PRIMPOL: variants seen among roughly 807,000 people sequenced by gnomAD.
The protein encoded by PRIMPOL is DNA-directed primase/polymerase protein.
Under a neutral mutation model 63.6 loss-of-function variants are expected in PRIMPOL, and 54 were observed. The observed-to-expected ratio is 0.85, with a 90% confidence interval of 0.68 to 1.07. The LOEUF (loss-of-function observed/expected upper bound fraction) is 1.07. PRIMPOL is among the 50% of genes least tolerant of loss of function. The pLI is 0.00. For synonymous variants in PRIMPOL, 197 were observed against 220.2 expected, an observed-to-expected ratio of 0.89 and a Z score of 0.93; for missense variants, 610 against 648.3, an observed-to-expected ratio of 0.94 and a Z score of 0.64.
intron 11 of PRIMPOL, among the ~76,000 whole-genome samples, 159 bp downstream of exon 11, chr4:184,685,843 C>G (rs1756849846): frequency 6.6e-6 from 1 of 151,984 alleles, no homozygotes; most frequent in African/African-American, 2.4e-5. Context: ...GCTCTGTCGC[C>G]CAGGCTGGAG....
chr4:184,669,356 G>A (rs963324590), intron 6 of PRIMPOL, among the ~76,000 whole-genome samples: 5 of 152,208 alleles, frequency 3.3e-5, no homozygotes, highest in African/African-American at 1.2e-4. Flanking sequence ...TCCAGCCCCC[G>A]TGCTCGCTGC....
chr4:184,683,826 G>A (rs77468169), intron 9 of PRIMPOL, among the ~76,000 whole-genome samples: 4,393 of 152,050 alleles, frequency 0.029, 217 homozygotes, highest in African/African-American at 0.1. Context: ...CAATCTAAAT[G>A]TACAACAAAA....
intron 2 of PRIMPOL, among the ~76,000 whole-genome samples, chr4:184,655,672 T>C (rs1363131743): frequency 6.6e-6 from 1 of 152,192 alleles, no homozygotes; most frequent in Non-Finnish European, 1.5e-5. Flanking sequence ...GAAATACTCA[T>C]TTGCCAATGA....
intron 5 of PRIMPOL, 60 bp from the exon 6 acceptor site, chr4:184,665,857 C>G: frequency 8.6e-7 from 1 of 1,166,798 alleles, no homozygotes; most frequent in Non-Finnish European, 1.2e-6. Context: ...ATGCTTATTG[C>G]TTATAGAAAA....
chr4:184,685,153 C>G (rs1011014904), intron 9 of PRIMPOL, among the ~76,000 whole-genome samples: 2 of 152,134 alleles, frequency 1.3e-5, no homozygotes, highest in Non-Finnish European at 2.9e-5. Flanking sequence ...CTGCCTTTCT[C>G]TTTGCCAAAA....
chr4:184,691,707 A>G lies in PRIMPOL; in HGVS notation c.1420A>G (p.Lys474Glu). The G allele has an allele frequency of 6.2e-7, 1 of 1,611,346 alleles. No individual in the cohort carries two copies. Among genetic ancestry groups the G allele is most frequent in the Non-Finnish European group, 8.5e-7 (1 of 1,177,892 alleles). Reference sequence around the variant, plus strand: ...TGAAGTATGTCTCCTGTTTCTTTTCAAAGAGGTAAGTACAGATTTTAGTGT... The same window carrying G: ...TGAAGTATGTCTCCTGTTTCTTTTCGAAGAGGTAAGTACAGATTTTAGTGT... ...PAEVCLLFLF[K>E]EEEEFTTDEA... The change falls in exon 13 of 14, where the codon AAA (lysine) becomes GAA (glutamate). Residue 474 changes from lysine to glutamate, a missense_variant. Physicochemically the swap from Lys to Glu is moderately conservative, Grantham distance 56. Transcript: ENST00000314970.
chr4:184,672,457 C>A lies in PRIMPOL; in HGVS notation c.841C>A (p.Leu281Ile), dbSNP rs1752048671. The change falls in exon 7 of 14, where the codon CTC becomes ATC. Residue 281 changes from leucine to isoleucine, a missense_variant. Coordinates refer to ENST00000314970, the MANE Select transcript of PRIMPOL (RefSeq NM_152683.4). ...NMGEKHLFVD[L>I]GVYTRNRNFR... ...GGGAGAGAAGCATCTTTTTGTAGATCTCGGTAAGTAAGATTGACAGCTTTC... is the reference window on the plus strand; with the variant it reads ...GGGAGAGAAGCATCTTTTTGTAGATATCGGTAAGTAAGATTGACAGCTTTC... The A allele has an allele frequency of 6.2e-7, 1 of 1,601,972 alleles. No individual in the cohort carries two copies. The highest frequency in any genetic ancestry group is 1.3e-5 in the African/African-American group (1 of 74,286).
intron 7 of PRIMPOL, among the ~76,000 whole-genome samples, chr4:184,676,384 CTTT>C (rs35327571): frequency 5.7e-4 from 20 of 34,876 alleles, no homozygotes; most frequent in African/African-American, 2.1e-3. Context: ...CCTTCCCTTC[CTTT>C]CCCTTCCCTT....
intron 1 of PRIMPOL, among the ~76,000 whole-genome samples, 200 bp from the exon 2 acceptor site, chr4:184,651,823 A>G (rs1029054555): frequency 3.9e-5 from 6 of 152,052 alleles, no homozygotes; most frequent in African/African-American, 1.4e-4. Flanking sequence ...TAATTTTTGT[A>G]TTTTTAGTAG....
chr4:184,658,886 C>G (rs1198485774), intron 3 of PRIMPOL, among the ~76,000 whole-genome samples: 1 of 140,594 alleles, frequency 7.1e-6, no homozygotes, highest in East Asian at 2.1e-4. Context: ...CCGGCCTGGG[C>G]AACAGAGCAA....
At chr4:184,665,538 C>G (rs1749633833) in intron 5 of PRIMPOL, among the ~76,000 whole-genome samples, 1 of 145,956 alleles carries the variant, frequency 6.9e-6, no homozygotes, top group African/African-American at 2.6e-5. Context: ...GAGTCTCACA[C>G]TGTCACCCAG....
At chr4:184,673,097 A>G (rs1045389411) in intron 7 of PRIMPOL, among the ~76,000 whole-genome samples, 3 of 150,666 alleles carry the variant, frequency 2.0e-5, no homozygotes, top group African/African-American at 7.3e-5. Context: ...CTAGCTTGTG[A>G]TTTCAAAAGC....
At chr4:184,653,169 T>C (rs775459118) in intron 2 of PRIMPOL, among the ~76,000 whole-genome samples, 8 of 152,236 alleles carry the variant, frequency 5.3e-5, no homozygotes, top group Admixed American at 2.0e-4. Context: ...GGAAGAACCA[T>C]GGCCAGGCTG....
At chr4:184,678,497 C>T in intron 8 of PRIMPOL, 103 bp downstream of exon 8, 2 of 805,308 alleles carry the variant, frequency 2.5e-6, no homozygotes, top group Non-Finnish European at 3.8e-6. Context: ...ATTCATTCTA[C>T]CTTAAGAAAA....
chr4:184,676,365 T>TTTCCC (rs202047458), intron 7 of PRIMPOL, among the ~76,000 whole-genome samples: 1 of 38,234 alleles, frequency 2.6e-5, no homozygotes, highest in African/African-American at 1.3e-4. Flanking sequence ...TCCCTTCTCC[T>TTTCCC]TTCCCTTCCC....
intron 11 of PRIMPOL, among the ~76,000 whole-genome samples, chr4:184,689,997 T>G (rs1436902729): frequency 6.6e-6 from 1 of 152,204 alleles, no homozygotes; most frequent in Admixed American, 6.5e-5. Flanking sequence ...GGCCTGTTAC[T>G]AGAATGTTTA....
intron 2 of PRIMPOL, among the ~76,000 whole-genome samples, chr4:184,655,322 A>G (rs1746055766): frequency 7.2e-6 from 1 of 139,792 alleles, no homozygotes; most frequent in Non-Finnish European, 1.5e-5. Context: ...CCCTCTCGTA[A>G]TCTTTTTTTT....
Position 184,687,579 on chromosome 4 carries a change from C to T in PRIMPOL, c.1295+1895C>T, listed in dbSNP as rs185841438. On this transcript the variant is annotated intron_variant, in intron 11 of 13. Coordinates refer to ENST00000314970, the MANE Select transcript of PRIMPOL (RefSeq NM_152683.4). ...TCGCTTTTATGATTTCTCCCATATA[C>T]GTTCATATCTCTAAACAATATACTG... Among the ~76,000 whole-genome samples the T allele has an allele frequency of 8.5e-5, 13 of 152,188 alleles. No homozygotes were observed. In the East Asian group the frequency reaches 9.7e-4, roughly 11 times the overall value.
intron 13 of PRIMPOL, among the ~76,000 whole-genome samples, chr4:184,693,336 A>AGAT (rs1237673609): frequency 6.6e-6 from 1 of 152,218 alleles, no homozygotes; most frequent in Non-Finnish European, 1.5e-5. Context: ...ATTGTGATTT[A>AGAT]GATATTCGTG....
Sources: allele counts gnomAD v4.1 joint callset (sites outside exome capture counted in the v4.1 genomes callset), GRCh38; gene constraint gnomAD v4.1.1; transcripts MANE v1.5; gene names NCBI Gene and HGNC (gene_info 2026-07-23, HGNC 2026-07-21).